The following PAM variants were observed in gnomAD, a reference collection of about 807,000 sequenced individuals.
PAM encodes peptidyl-glycine alpha-amidating monooxygenase.
Under a neutral mutation model 122.1 loss-of-function variants are expected in PAM, and 72 were observed. That is an observed-to-expected ratio of 0.59 (90% CI 0.49 to 0.72). The LOEUF is 0.72. Among genes scored for constraint, PAM ranks in the 30% least tolerant of loss-of-function variants. PAM has a pLI of 0.00. For synonymous variants in PAM, 389 were observed against 404.4 expected (o/e 0.96, Z 0.46); for missense variants, 1,106 against 1,183.7 (o/e 0.93, Z 0.96).
At chr5:102,859,034 C>G in intron 1 of PAM, among the ~76,000 whole-genome samples, 1 of 152,098 alleles carries the variant, frequency 6.6e-6, no homozygotes, top group East Asian at 1.9e-4. Flanking sequence ...ACATAAAAGT[C>G]TGGCACATAT....
chr5:102,763,595 C>G (rs1005542896), intron 1 of PAM, among the ~76,000 whole-genome samples: 1 of 152,114 alleles, frequency 6.6e-6, no homozygotes, highest in African/African-American at 2.4e-5. Context: ...TAATAGGAAC[C>G]TGAGGAAGTG....
intron 1 of PAM, among the ~76,000 whole-genome samples, chr5:102,772,248 G>A (rs1756003813): frequency 6.6e-6 from 1 of 152,122 alleles, no homozygotes; most frequent in Non-Finnish European, 1.5e-5. Context: ...ATTATTGTAT[G>A]TTGTAAACCT....
intron 1 of PAM, among the ~76,000 whole-genome samples, chr5:102,828,918 G>GTT (rs58045947): frequency 3.9e-4 from 49 of 126,008 alleles, no homozygotes; most frequent in African/African-American, 9.6e-4. Context: ...CTACCTCAGG[G>GTT]TTTTTTTTTT....
intron 1 of PAM, among the ~76,000 whole-genome samples, chr5:102,833,278 G>T (rs1351321748): frequency 6.6e-6 from 1 of 152,066 alleles, no homozygotes; most frequent in East Asian, 1.9e-4. Context: ...CCTGAGCTCT[G>T]CTTTGTGTTA....
chr5:103,017,505 C>T (rs955156341), intron 22 of PAM, 72 bp downstream of exon 22: 4 of 896,668 alleles, frequency 4.5e-6, no homozygotes, highest in Non-Finnish European at 7.4e-6. Flanking sequence ...GAAACAAAAA[C>T]ATTTGCATTT....
intron 24 of PAM, among the ~76,000 whole-genome samples, chr5:103,026,729 C>T (rs551772142): frequency 5.9e-5 from 9 of 152,052 alleles, no homozygotes; most frequent in South Asian, 2.1e-4. Context: ...ATAAATCAAC[C>T]GAGCTCACAG....
At chr5:103,012,130 G>T (rs775574873) in intron 21 of PAM, among the ~76,000 whole-genome samples, 1 of 152,102 alleles carries the variant, frequency 6.6e-6, no homozygotes, top group Non-Finnish European at 1.5e-5. Flanking sequence ...TTACTATAGA[G>T]TTGTTTGAGC....
chr5:102,932,733 A>G (rs1311762954), intron 7 of PAM, among the ~76,000 whole-genome samples: 1 of 151,946 alleles, frequency 6.6e-6, no homozygotes, highest in East Asian at 1.9e-4. Context: ...TTAAATGCCT[A>G]CAGCTGTGCC....
intron 3 of PAM, among the ~76,000 whole-genome samples, chr5:102,875,304 C>T (rs1326494041): frequency 6.6e-6 from 1 of 151,946 alleles, no homozygotes; most frequent in African/African-American, 2.4e-5. Context: ...AGGATCCTCC[C>T]ATCTCAGCCT....
intron 4 of PAM, among the ~76,000 whole-genome samples, chr5:102,904,348 T>C (rs1798902762): frequency 6.6e-6 from 1 of 151,636 alleles, no homozygotes; most frequent in African/African-American, 2.4e-5. Context: ...ACCTTCTGTT[T>C]TCATTATCTG....
chr5:103,029,700 G>A lies in PAM; in HGVS notation c.*635G>A, dbSNP rs1234814388. The A allele has an allele frequency of 7.2e-6, 1 of 138,904 alleles. No homozygotes were observed. Among genetic ancestry groups the A allele is most frequent in the Non-Finnish European group, 1.5e-5 (1 of 65,196 alleles). 8.6% of individuals were successfully genotyped at this position (138,904 alleles called of 1,614,324 possible). The stretch of plus-strand genomic sequence containing the variant: ...ATCTGAATGTAATTTGTGTAATAAA[G>A]TGTTTTCAGAGCATTAGCTGTCAGT... On this transcript the variant is annotated 3_prime_UTR_variant, in exon 26 of 26. Coordinates refer to ENST00000438793, the MANE Select transcript of PAM (RefSeq NM_001177306.2).
intron 3 of PAM, among the ~76,000 whole-genome samples, chr5:102,889,395 G>T (rs1441800585): frequency 6.6e-6 from 1 of 151,838 alleles, no homozygotes; most frequent in African/African-American, 2.4e-5. Context: ...AACAGTTTCT[G>T]GTTTTGGTAA....
chr5:102,855,387 C>T (rs1428742164), intron 1 of PAM, among the ~76,000 whole-genome samples: 1 of 151,488 alleles, frequency 6.6e-6, no homozygotes, highest in Non-Finnish European at 1.5e-5. Context: ...TGTGTTTATG[C>T]ATTTTGTTGT....
intron 3 of PAM, among the ~76,000 whole-genome samples, chr5:102,897,514 GTTTGGTGT>G (rs1431463118): frequency 6.6e-6 from 1 of 151,372 alleles, no homozygotes; most frequent in Non-Finnish European, 1.5e-5. Context: ...TATTTTTATT[GTTTGGTGT>G]TTTGGTTATT....
chr5:103,007,779 A>G, intron 20 of PAM, 122 bp downstream of exon 20: 1 of 638,140 alleles, frequency 1.6e-6, no homozygotes, highest in Non-Finnish European at 2.7e-6. Flanking sequence ...TCTTAAAAGT[A>G]TCTTACAACT....
At chr5:102,977,666 A>G (rs1338708903) in intron 15 of PAM, among the ~76,000 whole-genome samples, 1,401 of 76,164 alleles carry the variant, frequency 0.018, 22 homozygotes, top group African/African-American at 0.059. Flanking sequence ...GCGCACACAC[A>G]CACACACACA....
chr5:102,892,757 A>G (rs1795103245), intron 3 of PAM, among the ~76,000 whole-genome samples: 1 of 151,862 alleles, frequency 6.6e-6, no homozygotes, highest in Non-Finnish European at 1.5e-5. Context: ...GTTTTACAAG[A>G]TTATTTGCAT....
intron 3 of PAM, among the ~76,000 whole-genome samples, chr5:102,898,892 CA>C (rs1249550172): frequency 6.6e-6 from 1 of 151,632 alleles, no homozygotes; most frequent in East Asian, 1.9e-4. Context: ...TTTTTAACTG[CA>C]AACAAATTAC....
intron 3 of PAM, among the ~76,000 whole-genome samples, chr5:102,896,928 G>A (rs1224419018): frequency 1.3e-5 from 2 of 151,628 alleles, no homozygotes; most frequent in African/African-American, 4.8e-5. Context: ...ATACTAGGAT[G>A]AGGTGGAGAG....
Sources: gnomAD v4.1 joint callset for allele counts (sites outside exome capture counted in the v4.1 genomes callset) on GRCh38, gnomAD v4.1.1 for gene constraint, MANE v1.5 for transcripts, NCBI Gene and HGNC (gene_info 2026-07-23, HGNC 2026-07-21) for gene names.